Variants in ERCC6L2 observed in about 807,000 individuals in gnomAD.
ERCC6L2 encodes the protein DNA excision repair protein ERCC-6-like 2.
In ERCC6L2, 77 loss-of-function variants were observed where a neutral mutation model predicts 132.0. The observed-to-expected ratio is 0.58, with a 90% CI of 0.49 to 0.71. The LOEUF (loss-of-function observed/expected upper bound fraction) is 0.71. Among genes scored for constraint, ERCC6L2 ranks in the 30% least tolerant of loss-of-function variants. The pLI is 0.00. For synonymous variants in ERCC6L2, 583 were observed against 632.4 expected (o/e 0.92, Z 1.17); for missense variants, 1,542 against 1,837.6 (o/e 0.84, Z 2.94).
chr9:95,990,595 G>A (rs965468554), intron 17 of ERCC6L2, among the ~76,000 whole-genome samples: 4 of 152,142 alleles, frequency 2.6e-5, no homozygotes, highest in Non-Finnish European at 4.4e-5. Context: ...GTTTCAGCCC[G>A]CTGCTGGCCA....
intron 15 of ERCC6L2, 51 bp from the exon 16 acceptor site, chr9:95,971,882 C>A: frequency 8.5e-7 from 1 of 1,170,454 alleles, no homozygotes; most frequent in Non-Finnish European, 1.1e-6. Context: ...CAGTTGATTC[C>A]ACATTATATC....
intron 11 of ERCC6L2, among the ~76,000 whole-genome samples, chr9:95,933,951 T>G (rs776414482): frequency 3.3e-5 from 5 of 152,192 alleles, no homozygotes; most frequent in Non-Finnish European, 4.4e-5. Context: ...AAGGTTAATT[T>G]ATTTGCATTT....
intron 4 of ERCC6L2, among the ~76,000 whole-genome samples, chr9:95,909,311 A>G (rs939877829): frequency 6.6e-6 from 1 of 152,190 alleles, no homozygotes; most frequent in African/African-American, 2.4e-5. Context: ...CTTACTGACC[A>G]TACAAAAGTG....
At chr9:95,980,736 T>A (rs1832856636) in intron 17 of ERCC6L2, among the ~76,000 whole-genome samples, 1 of 151,852 alleles carries the variant, frequency 6.6e-6, no homozygotes, top group Non-Finnish European at 1.5e-5. Flanking sequence ...TTGAAAAAAA[T>A]TAAAAAGTTA....
intron 16 of ERCC6L2, 79 bp downstream of exon 16, chr9:95,973,167 C>G: frequency 4.1e-6 from 4 of 977,664 alleles, no homozygotes; most frequent in Non-Finnish European, 5.4e-6. Flanking sequence ...TTTGAATTAA[C>G]TTGTAAAACA....
chr9:95,926,545 A>G (rs1187817394), intron 9 of ERCC6L2, among the ~76,000 whole-genome samples: 1 of 152,204 alleles, frequency 6.6e-6, no homozygotes, highest in African/African-American at 2.4e-5. Flanking sequence ...TACATACTGT[A>G]TAATTCCAAC....
chr9:96,033,954 G>A (rs1490842123), intron 19 of ERCC6L2, among the ~76,000 whole-genome samples: 2 of 152,186 alleles, frequency 1.3e-5, no homozygotes, highest in Non-Finnish European at 2.9e-5. Context: ...GCAAAAGAAG[G>A]GCCCGTTGTC....
At chr9:95,932,643 A>G (rs1830390659) in intron 11 of ERCC6L2, among the ~76,000 whole-genome samples, 2 of 152,176 alleles carry the variant, frequency 1.3e-5, no homozygotes, top group African/African-American at 4.8e-5. Flanking sequence ...AGGTTTTCTT[A>G]GAAGCATTGT....
chr9:95,922,324 C>G lies in ERCC6L2; in HGVS notation c.1319C>G (p.Thr440Arg). Residue 440 changes from threonine to arginine, a missense_variant, in exon 8 of 19, where the codon ACA becomes AGA. Physicochemically the swap from Thr to Arg is moderately conservative, Grantham distance 71. Around this residue, in one of 4 missense-constraint regions of ERCC6L2, gnomAD observed 945 missense variants for 1,105.2 expected, o/e 0.86. Coordinates refer to ENST00000653738, the MANE Select transcript of ERCC6L2 (RefSeq NM_020207.7). The stretch of plus-strand genomic sequence containing the variant: ...TTACAGACCAATTCTCATGGTGAAA[C>G]AGTGAAAACCTTGTATCTCAGTTAC... The part of the protein sequence containing the change: ...CCYKTNSHGE[T>R]VKTLYLSYLT... The G allele has an allele frequency of 6.2e-7, 1 of 1,610,284 alleles. No individual in the cohort carries two copies. Among genetic ancestry groups the G allele is most frequent in the Non-Finnish European group, 8.5e-7 (1 of 1,177,092 alleles).
chr9:95,944,958 C>T (rs1472496079), intron 12 of ERCC6L2, among the ~76,000 whole-genome samples: 11 of 152,010 alleles, frequency 7.2e-5, no homozygotes, highest in East Asian at 1.9e-4. Context: ...AGGACCGGGG[C>T]GAAATTAAAA....
intron 11 of ERCC6L2, 55 bp downstream of exon 11, chr9:95,928,919 G>A: frequency 7.6e-7 from 1 of 1,320,158 alleles, no homozygotes; most frequent in Non-Finnish European, 1.0e-6. Flanking sequence ...TTGAGATTTA[G>A]CATAATTTTT....
chr9:95,998,550 G>A (rs1173228359), intron 17 of ERCC6L2, among the ~76,000 whole-genome samples: 1 of 152,194 alleles, frequency 6.6e-6, no homozygotes, highest in East Asian at 1.9e-4. Context: ...TTTCCTGGCT[G>A]TGGTGAGAGG....
chr9:95,935,378 C>T (rs1471034301), intron 11 of ERCC6L2, among the ~76,000 whole-genome samples: 2 of 152,076 alleles, frequency 1.3e-5, no homozygotes, highest in Non-Finnish European at 2.9e-5. Flanking sequence ...GGGTGTATGA[C>T]TACATAGGAG....
At chr9:96,033,401 T>C (rs1166877699) in intron 19 of ERCC6L2, among the ~76,000 whole-genome samples, 1 of 152,148 alleles carries the variant, frequency 6.6e-6, no homozygotes, top group Non-Finnish European at 1.5e-5. Context: ...CGCGCCACCA[T>C]GCCTGGCTAA....
chr9:95,964,415 T>A (rs546119003), intron 13 of ERCC6L2, among the ~76,000 whole-genome samples: 2 of 152,206 alleles, frequency 1.3e-5, no homozygotes, highest in Non-Finnish European at 2.9e-5. Context: ...GATGTTCACA[T>A]TGTAATCCCC....
chr9:95,913,491 T>C (rs1266725219), intron 4 of ERCC6L2, among the ~76,000 whole-genome samples: 1 of 152,210 alleles, frequency 6.6e-6, no homozygotes, highest in Admixed American at 6.5e-5. Flanking sequence ...TCTCTCTTTC[T>C]TTCTTTCTGA....
chr9:95,895,236 A>G (rs781321277), intron 2 of ERCC6L2, among the ~76,000 whole-genome samples: 3 of 152,130 alleles, frequency 2.0e-5, no homozygotes, highest in Non-Finnish European at 4.4e-5. Context: ...TTTATCTGAT[A>G]TGAATATAGC....
intron 19 of ERCC6L2, among the ~76,000 whole-genome samples, chr9:96,034,575 G>A (rs1017734332): frequency 2.0e-5 from 3 of 152,230 alleles, no homozygotes; most frequent in Non-Finnish European, 2.9e-5. Flanking sequence ...AGCATTATGA[G>A]CAAAAGGACA....
chr9:95,987,060 A>G (rs1833124351), intron 17 of ERCC6L2, among the ~76,000 whole-genome samples: 1 of 152,214 alleles, frequency 6.6e-6, no homozygotes, highest in Admixed American at 6.5e-5. Flanking sequence ...CGAGAACAGT[A>G]TGAGTGAAAC....
Sources: allele counts gnomAD v4.1 joint callset (sites outside exome capture counted in the v4.1 genomes callset), GRCh38; gene constraint gnomAD v4.1.1; regional missense constraint gnomAD v4.1.1; transcripts MANE v1.5; gene names NCBI Gene and HGNC (gene_info 2026-07-23, HGNC 2026-07-21).